Variants in CSMD1 observed in about 807,000 individuals in gnomAD.
CSMD1 encodes the protein CUB and sushi domain-containing protein 1.
Under a neutral mutation model 417.5 loss-of-function variants are expected in CSMD1, and 213 were observed. That is an observed-to-expected ratio of 0.51 (90% CI 0.46 to 0.57). CSMD1 has a LOEUF of 0.57. Among genes scored for constraint, CSMD1 ranks in the 20% least tolerant of loss-of-function variants. CSMD1 has a pLI of 0.00. For missense variants in CSMD1, 6,923 were observed against 4,529.7 expected (o/e 1.53, Z -15.17); for synonymous variants, 2,862 against 1,736.8 (o/e 1.65, Z -16.11).
chr8:4,200,464 G>C (rs887206706), intron 3 of CSMD1, among the ~76,000 whole-genome samples: 1 of 152,154 alleles, frequency 6.6e-6, no homozygotes, highest in African/African-American at 2.4e-5. Context: ...TATGGTTTAA[G>C]TGACAAAGTT....
At chr8:4,128,950 C>G (rs55946653) in intron 3 of CSMD1, among the ~76,000 whole-genome samples, 1 of 151,988 alleles carries the variant, frequency 6.6e-6, no homozygotes, top group East Asian at 1.9e-4. Flanking sequence ...GTGGCATGTG[C>G]CTGTAGTCCC....
At chr8:4,311,560 T>C (rs1207090805) in intron 3 of CSMD1, among the ~76,000 whole-genome samples, 2 of 151,762 alleles carry the variant, frequency 1.3e-5, no homozygotes, top group African/African-American at 2.4e-5. Flanking sequence ...CTGTCTCTAC[T>C]AAAAATATAA....
In CSMD1 at chr8:4,199,936, G is replaced by A. The variant is rs183629195; in HGVS notation, c.416-167837C>T. Among the ~76,000 whole-genome samples the A allele has an allele frequency of 1.6e-3, 250 of 152,228 alleles. 2 individuals carry two copies. Among genetic ancestry groups the A allele is most frequent in the Middle Eastern group, 6.8e-3 (2 of 294 alleles). On this transcript the variant is annotated intron_variant, in intron 3 of 69. Transcript: ENST00000635120. ...TTGTGGTGAAGTACGGTTACAAGGAGTTTCAACCAATGTAGAAAAAAAGAC... is the reference window on the plus strand; with the variant it reads ...TTGTGGTGAAGTACGGTTACAAGGAATTTCAACCAATGTAGAAAAAAAGAC...
intron 1 of CSMD1, among the ~76,000 whole-genome samples, chr8:4,866,398 T>C (rs1021953847): frequency 2.6e-4 from 40 of 152,024 alleles, no homozygotes; most frequent in African/African-American, 9.4e-4. Context: ...GTGGTTAACA[T>C]CTCTCTAATT....
chr8:3,049,801 C>T (rs1323371586), intron 50 of CSMD1, among the ~76,000 whole-genome samples: 1 of 152,000 alleles, frequency 6.6e-6, no homozygotes, highest in Non-Finnish European at 1.5e-5. Context: ...TAGGTGCATC[C>T]ATTGTAACAT....
chr8:4,660,034 C>T (rs548858109), intron 1 of CSMD1, among the ~76,000 whole-genome samples: 1 of 150,720 alleles, frequency 6.6e-6, no homozygotes, highest in Admixed American at 6.6e-5. Context: ...GTGAAAGGCT[C>T]CATGATTTTC....
intron 41 of CSMD1, among the ~76,000 whole-genome samples, chr8:3,136,635 G>C (rs908708760): frequency 6.6e-6 from 1 of 152,054 alleles, no homozygotes; most frequent in African/African-American, 2.4e-5. Context: ...CACTGCCATT[G>C]ATAATATTTT....
At position 4,580,774 on chromosome 8, in the gene CSMD1, A is replaced by T. The variant is rs1435665722; in HGVS notation, c.302+56568T>A. ...CCCTTTGAGGTTCTCCTAACATTTT[A>T]TTTCCTTATGATAGTGTTAATTATA... On this transcript the variant is annotated intron_variant, in intron 2 of 69. Coordinates refer to ENST00000635120, the MANE Select transcript of CSMD1 (RefSeq NM_033225.6). 3.3e-5 allele frequency among the ~76,000 whole-genome samples: 5 copies of T among 152,286 alleles called. No homozygotes were observed. In the East Asian group the frequency reaches 7.7e-4, roughly 24 times the overall value.
At chr8:3,822,803 G>C (rs1401391414) in intron 5 of CSMD1, among the ~76,000 whole-genome samples, 4 of 152,144 alleles carry the variant, frequency 2.6e-5, no homozygotes, top group East Asian at 1.9e-4. Flanking sequence ...TTGTGGAACA[G>C]AACTTTGGGC....
intron 3 of CSMD1, among the ~76,000 whole-genome samples, chr8:4,362,772 A>G (rs1354434140): frequency 6.6e-6 from 1 of 152,186 alleles, no homozygotes; most frequent in Non-Finnish European, 1.5e-5. Flanking sequence ...TTTAGTTTTT[A>G]AGTTAAATTT....
At chr8:4,775,379 A>G (rs1162146174) in intron 1 of CSMD1, among the ~76,000 whole-genome samples, 5 of 152,182 alleles carry the variant, frequency 3.3e-5, no homozygotes, top group Non-Finnish European at 7.3e-5. Context: ...TTATTCAAAG[A>G]TAGTGTTTAG....
intron 18 of CSMD1, 30 bp from the exon 19 acceptor site, chr8:3,369,400 C>A: frequency 9.8e-7 from 1 of 1,018,378 alleles, no homozygotes; most frequent in South Asian, 1.4e-5. Context: ...ATGATTACAG[C>A]ACTAAAGTTT....
At chr8:4,144,732 C>T (rs1804006917) in intron 3 of CSMD1, among the ~76,000 whole-genome samples, 1 of 151,108 alleles carries the variant, frequency 6.6e-6, no homozygotes, top group South Asian at 2.1e-4. Flanking sequence ...TGACCTCTTC[C>T]AACTTTCTAG....
chr8:4,015,603 T>G (rs1004714946), intron 4 of CSMD1, among the ~76,000 whole-genome samples: 1 of 143,694 alleles, frequency 7.0e-6, no homozygotes, highest in Non-Finnish European at 1.5e-5. Flanking sequence ...CCAATGACTA[T>G]CATTCAGTCT....
intron 10 of CSMD1, among the ~76,000 whole-genome samples, chr8:3,558,192 G>C (rs866264823): frequency 6.0e-5 from 9 of 149,528 alleles, no homozygotes; most frequent in South Asian, 2.1e-4. Context: ...CTCCAATGAT[G>C]AATAGTGCCT....
intron 18 of CSMD1, among the ~76,000 whole-genome samples, chr8:3,372,233 T>C (rs76965608): frequency 1.3e-5 from 2 of 151,854 alleles, no homozygotes; most frequent in Non-Finnish European, 2.9e-5. Flanking sequence ...GGGGAACAAT[T>C]TGGGTAGAGA....
chr8:4,280,596 C>G (rs982139046), intron 3 of CSMD1, among the ~76,000 whole-genome samples: 3 of 152,132 alleles, frequency 2.0e-5, no homozygotes, highest in Non-Finnish European at 4.4e-5. Flanking sequence ...AAAATGGGTA[C>G]TGTTTGAAGG....
intron 1 of CSMD1, among the ~76,000 whole-genome samples, chr8:4,697,430 A>G (rs1807209367): frequency 6.6e-6 from 1 of 152,016 alleles, no homozygotes; most frequent in Admixed American, 6.5e-5. Flanking sequence ...GCATGCTCAT[A>G]TTTGCTTACA....
intron 5 of CSMD1, among the ~76,000 whole-genome samples, chr8:3,885,509 A>G (rs551965363): frequency 6.6e-5 from 10 of 152,304 alleles, no homozygotes; most frequent in African/African-American, 2.2e-4. Context: ...AAATGTCTCT[A>G]GATGGTCTGT....
Sources: allele counts gnomAD v4.1 joint callset (sites outside exome capture counted in the v4.1 genomes callset), GRCh38; gene constraint gnomAD v4.1.1; transcripts MANE v1.5; gene names NCBI Gene and HGNC (gene_info 2026-07-23, HGNC 2026-07-21).